CLSTN2: variants seen among roughly 807,000 people sequenced by gnomAD.
CLSTN2 encodes calsyntenin 2.
Under a neutral mutation model 101.2 loss-of-function variants are expected in CLSTN2, and 48 were observed. The ratio of observed to expected loss-of-function variants is 0.47; its 90% CI spans 0.38 to 0.60. The LOEUF is 0.60. Among genes scored for constraint, CLSTN2 ranks in the 20% least tolerant of loss-of-function variants. CLSTN2 has a pLI of 0.00. For missense variants in CLSTN2, 1,160 were observed against 1,238.2 expected (o/e 0.94, Z 0.95); for synonymous variants, 481 against 463.6 (o/e 1.04, Z -0.48).
At chr3:140,163,419 TACACACACAC>T (rs60464575) in intron 1 of CLSTN2, among the ~76,000 whole-genome samples, 3 of 145,032 alleles carry the variant, frequency 2.1e-5, no homozygotes, top group East Asian at 2.0e-4. Flanking sequence ...TTTCTATCTC[TACACACACAC>T]ACACACACAC....
chr3:140,544,401 G>A (rs755015755), intron 9 of CLSTN2, among the ~76,000 whole-genome samples: 1 of 152,186 alleles, frequency 6.6e-6, no homozygotes, highest in Non-Finnish European at 1.5e-5. Context: ...CACAAGAGGA[G>A]TGTGCAAGAG....
At chr3:140,412,141 G>A (rs946557356) in intron 4 of CLSTN2, among the ~76,000 whole-genome samples, 8 of 152,056 alleles carry the variant, frequency 5.3e-5, no homozygotes, top group African/African-American at 1.2e-4. Context: ...TCAGCCTCCC[G>A]AGTAGCTGGG....
At chr3:140,422,511 A>G (rs2088517214) in intron 5 of CLSTN2, among the ~76,000 whole-genome samples, 1 of 152,222 alleles carries the variant, frequency 6.6e-6, no homozygotes, top group Non-Finnish European at 1.5e-5. Flanking sequence ...TTAAAACTGA[A>G]AAGATCGGAA....
intron 2 of CLSTN2, among the ~76,000 whole-genome samples, chr3:140,182,262 CTT>C (rs2010419407): frequency 6.6e-6 from 1 of 151,990 alleles, no homozygotes; most frequent in Non-Finnish European, 1.5e-5. Context: ...TAGTCATTCT[CTT>C]TTAAAATAAA....
At chr3:140,218,785 G>A (rs1320652898) in intron 2 of CLSTN2, among the ~76,000 whole-genome samples, 1 of 152,174 alleles carries the variant, frequency 6.6e-6, no homozygotes, top group Non-Finnish European at 1.5e-5. Flanking sequence ...GACACAATTT[G>A]TTGAGGGAAA....
At chr3:140,492,122 T>C (rs2107757938) in intron 8 of CLSTN2, among the ~76,000 whole-genome samples, 1 of 150,146 alleles carries the variant, frequency 6.7e-6, no homozygotes, top group South Asian at 2.1e-4. Flanking sequence ...CAGTGAGCTA[T>C]ACCAAGCACC....
At chr3:140,072,113 G>A (rs1179040285) in intron 1 of CLSTN2, among the ~76,000 whole-genome samples, 17 of 151,972 alleles carry the variant, frequency 1.1e-4, no homozygotes, top group Admixed American at 9.2e-4. Context: ...CAGCATTGCC[G>A]TATTTAGAAA....
intron 2 of CLSTN2, among the ~76,000 whole-genome samples, chr3:140,193,840 T>G (rs944531528): frequency 1.3e-5 from 2 of 152,128 alleles, no homozygotes; most frequent in African/African-American, 4.8e-5. Flanking sequence ...GTTTTCTCTC[T>G]AATAACTAAT....
intron 1 of CLSTN2, among the ~76,000 whole-genome samples, chr3:140,023,617 G>A (rs914437580): frequency 2.0e-5 from 3 of 152,128 alleles, no homozygotes; most frequent in Non-Finnish European, 2.9e-5. Context: ...CTCCAAGGGG[G>A]GAGCTGCTCT....
chr3:140,356,416 T>C (rs1309666501), intron 2 of CLSTN2, among the ~76,000 whole-genome samples: 1 of 152,134 alleles, frequency 6.6e-6, no homozygotes, highest in Non-Finnish European at 1.5e-5. Context: ...AAGCCCTACA[T>C]GGACCTGAGC....
intron 2 of CLSTN2, among the ~76,000 whole-genome samples, chr3:140,238,570 A>G (rs2086435142): frequency 6.6e-6 from 1 of 152,222 alleles, no homozygotes. Context: ...TTTCAGAAGT[A>G]GAACTTTCTT....
intron 10 of CLSTN2, among the ~76,000 whole-genome samples, chr3:140,547,196 T>C (rs753447260): frequency 6.6e-6 from 1 of 152,202 alleles, no homozygotes; most frequent in African/African-American, 2.4e-5. Context: ...GGGCTGCGCA[T>C]GGTGGCCTGT....
At chr3:140,020,857 A>G (rs1174651568) in intron 1 of CLSTN2, among the ~76,000 whole-genome samples, 2 of 151,998 alleles carry the variant, frequency 1.3e-5, no homozygotes, top group Non-Finnish European at 2.9e-5. Flanking sequence ...CACGACATAG[A>G]CTCTTTTAAT....
At chr3:140,052,595 A>G (rs1053397777) in intron 1 of CLSTN2, among the ~76,000 whole-genome samples, 2 of 152,170 alleles carry the variant, frequency 1.3e-5, no homozygotes, top group African/African-American at 4.8e-5. Context: ...CTTGCTTAAA[A>G]TATTTATTTG....
chr3:140,535,506 G>A (rs1351813949), intron 9 of CLSTN2, among the ~76,000 whole-genome samples: 1 of 152,240 alleles, frequency 6.6e-6, no homozygotes, highest in African/African-American at 2.4e-5. Flanking sequence ...TAGAAAGAAT[G>A]ATGACAAGGG....
chr3:140,027,900 C>G (rs891401007), intron 1 of CLSTN2, among the ~76,000 whole-genome samples: 1 of 152,218 alleles, frequency 6.6e-6, no homozygotes, highest in East Asian at 1.9e-4. Context: ...ATTGGGGATA[C>G]TGGTTTGCCA....
chr3:140,310,220 C>T (rs934581752), intron 2 of CLSTN2, among the ~76,000 whole-genome samples: 1 of 152,272 alleles, frequency 6.6e-6, no homozygotes, highest in East Asian at 1.9e-4. Flanking sequence ...AAACCATAAA[C>T]CTGACTGTCA....
At chr3:140,489,087 T>C (rs1451774046) in intron 8 of CLSTN2, among the ~76,000 whole-genome samples, 1 of 152,158 alleles carries the variant, frequency 6.6e-6, no homozygotes, top group East Asian at 1.9e-4. Flanking sequence ...GGGATACAGA[T>C]TTAAGTGATA....
At chr3:140,392,415 T>A (rs1219325371) in intron 2 of CLSTN2, among the ~76,000 whole-genome samples, 1 of 152,158 alleles carries the variant, frequency 6.6e-6, no homozygotes, top group Admixed American at 6.5e-5. Context: ...CTCTAGGTTT[T>A]TATCAGAAAT....
Sources: gnomAD v4.1 joint callset for allele counts (sites outside exome capture counted in the v4.1 genomes callset) on GRCh38, gnomAD v4.1.1 for gene constraint, MANE v1.5 for transcripts, NCBI Gene and HGNC (gene_info 2026-07-23, HGNC 2026-07-21) for gene names.